SPAG16: variants seen among roughly 807,000 people sequenced by gnomAD.
SPAG16 encodes the protein sperm-associated antigen 16 protein.
A neutral mutation model predicts 80.4 loss-of-function variants in SPAG16; 86 were observed. The ratio of observed to expected loss-of-function variants is 1.07; its 90% CI spans 0.90 to 1.28. The LOEUF (loss-of-function observed/expected upper bound fraction) is 1.28. Ranked by LOEUF, SPAG16 falls within the 50% of genes most tolerant of loss-of-function variation. The probability of loss-of-function intolerance (pLI) is 0.00; values close to 1 mark genes in which losing one functional copy is unlikely to be tolerated. For synonymous variants in SPAG16, 294 were observed against 265.9 expected, an observed-to-expected ratio of 1.11 and a Z score of -1.03; for missense variants, 870 against 765.3, an observed-to-expected ratio of 1.14 and a Z score of -1.61.
intron 9 of SPAG16, among the ~76,000 whole-genome samples, chr2:213,421,274 G>A (rs2069567924): frequency 6.6e-6 from 1 of 152,032 alleles, no homozygotes; most frequent in Non-Finnish European, 1.5e-5. Context: ...CCCAGGTGCT[G>A]TTGCAACCCA....
chr2:213,426,751 TCTG>T (rs1185718109), intron 9 of SPAG16, among the ~76,000 whole-genome samples: 1 of 141,890 alleles, frequency 7.0e-6, no homozygotes, highest in Non-Finnish European at 1.5e-5. Flanking sequence ...AAAGCATAAA[TCTG>T]GTGTGTGTGT....
intron 9 of SPAG16, 106 bp from the exon 10 acceptor site, chr2:213,489,857 G>C: frequency 1.1e-6 from 1 of 879,490 alleles, no homozygotes; most frequent in South Asian, 4.4e-5. Flanking sequence ...TGTAAATTCT[G>C]GGCAAATATA....
chr2:214,160,990 G>T (rs551683881), intron 15 of SPAG16, among the ~76,000 whole-genome samples: 3 of 152,040 alleles, frequency 2.0e-5, no homozygotes, highest in Non-Finnish European at 4.4e-5. Context: ...TTATTAAATT[G>T]AAATATTTAG....
At chr2:213,909,422 A>C (rs2077566101) in intron 11 of SPAG16, among the ~76,000 whole-genome samples, 1 of 152,208 alleles carries the variant, frequency 6.6e-6, no homozygotes, top group African/African-American at 2.4e-5. Flanking sequence ...TCGCCAAGTC[A>C]ATCCTAAGCC....
intron 11 of SPAG16, among the ~76,000 whole-genome samples, chr2:213,925,524 G>C (rs1440197002): frequency 6.6e-6 from 1 of 151,976 alleles, no homozygotes; most frequent in Non-Finnish European, 1.5e-5. Flanking sequence ...GCTAATTTTT[G>C]TATTTTTAGT....
At chr2:213,867,024 A>G (rs1250355348) in intron 11 of SPAG16, among the ~76,000 whole-genome samples, 2 of 152,132 alleles carry the variant, frequency 1.3e-5, no homozygotes, top group Non-Finnish European at 2.9e-5. Context: ...ATAACTATAC[A>G]CATAACTGAT....
intron 12 of SPAG16, among the ~76,000 whole-genome samples, chr2:213,944,971 G>C (rs2079378197): frequency 6.6e-6 from 1 of 152,106 alleles, no homozygotes. Flanking sequence ...CCAGGAGGTG[G>C]ATGTTGCAAT....
intron 9 of SPAG16, among the ~76,000 whole-genome samples, chr2:213,375,482 A>G (rs1025369796): frequency 6.6e-6 from 1 of 152,028 alleles, no homozygotes; most frequent in Non-Finnish European, 1.5e-5. Context: ...GTCAGACTTT[A>G]CTTAGTCTCT....
intron 11 of SPAG16, among the ~76,000 whole-genome samples, chr2:213,897,936 T>G (rs2077059780): frequency 6.6e-6 from 1 of 152,192 alleles, no homozygotes; most frequent in Admixed American, 6.6e-5. Context: ...TTTGTAAAAT[T>G]TCTTCAAAGC....
chr2:213,683,165 A>G (rs776228872), intron 10 of SPAG16, among the ~76,000 whole-genome samples: 2 of 152,224 alleles, frequency 1.3e-5, no homozygotes, highest in African/African-American at 2.4e-5. Flanking sequence ...GAATTAAAAC[A>G]ATAAAGTTTT....
At chr2:213,695,208 T>C (rs983034973) in intron 10 of SPAG16, among the ~76,000 whole-genome samples, 1 of 152,152 alleles carries the variant, frequency 6.6e-6, no homozygotes, top group African/African-American at 2.4e-5. Context: ...ACCTTTCTCA[T>C]TCTACTCAAG....
intron 15 of SPAG16, among the ~76,000 whole-genome samples, chr2:214,177,971 G>GTGTATATATATA (rs1397087073): frequency 6.7e-5 from 4 of 59,352 alleles, no homozygotes; most frequent in East Asian, 7.2e-4. Flanking sequence ...CAAAGTGTAT[G>GTGTATATATATA]TATATATATA....
At chr2:213,338,031 ACCCTACAAG>A (rs1468765745) in intron 5 of SPAG16, among the ~76,000 whole-genome samples, 1 of 152,088 alleles carries the variant, frequency 6.6e-6, no homozygotes, top group African/African-American at 2.4e-5. Context: ...CTCTGCAGAA[ACCCTACAAG>A]CCAGAAGATA....
At chr2:213,998,893 T>A (rs1045439640) in intron 12 of SPAG16, among the ~76,000 whole-genome samples, 8 of 152,144 alleles carry the variant, frequency 5.3e-5, no homozygotes, top group Non-Finnish European at 1.0e-4. Flanking sequence ...AACTTTGAAC[T>A]TGAGAGAGAT....
At chr2:213,659,334 A>G (rs2063336981) in intron 10 of SPAG16, among the ~76,000 whole-genome samples, 1 of 146,486 alleles carries the variant, frequency 6.8e-6, no homozygotes, top group Admixed American at 6.9e-5. Flanking sequence ...AATCATCTTA[A>G]AAAAAAAAAA....
At chr2:213,840,683 T>C (rs573765172) in intron 10 of SPAG16, among the ~76,000 whole-genome samples, 1 of 152,212 alleles carries the variant, frequency 6.6e-6, no homozygotes. Context: ...GAGGTCATCT[T>C]TGAGACAGGA....
At position 214,041,090 on chromosome 2, in the gene SPAG16, A is replaced by G. The variant is rs1464209379; in HGVS notation, c.1527+27013A>G. Among the ~76,000 whole-genome samples, 3 of 145,822 alleles carry G rather than the reference A, an allele frequency of 2.1e-5. No individual in the cohort carries two copies. In the Admixed American group the frequency reaches 2.1e-4, roughly 10 times the overall value. On this transcript the variant is annotated intron_variant, in intron 13 of 15. Coordinates refer to ENST00000331683, the MANE Select transcript of SPAG16 (RefSeq NM_024532.5). ...CTATTTTTTAAATGAACATTGTTAT[A>G]CTTTTATTTGAATATATTCTTTCTT...
intron 12 of SPAG16, among the ~76,000 whole-genome samples, chr2:213,971,474 A>G (rs1224182373): frequency 6.6e-6 from 1 of 151,610 alleles, no homozygotes; most frequent in Non-Finnish European, 1.5e-5. Flanking sequence ...TTAACATATT[A>G]TATTTTTATT....
At chr2:214,064,460 C>T (rs1195697607) in intron 13 of SPAG16, among the ~76,000 whole-genome samples, 1 of 151,924 alleles carries the variant, frequency 6.6e-6, no homozygotes, top group East Asian at 1.9e-4. Flanking sequence ...TTGTAAAACC[C>T]TGTAGGTATT....
Sources: allele counts gnomAD v4.1 joint callset (sites outside exome capture counted in the v4.1 genomes callset), GRCh38; gene constraint gnomAD v4.1.1; transcripts MANE v1.5; gene names NCBI Gene and HGNC (gene_info 2026-07-23, HGNC 2026-07-21).